TASP1: variants seen among roughly 807,000 people sequenced by gnomAD.
TASP1 encodes threonine aspartase 1.
A neutral mutation model predicts 56.6 loss-of-function variants in TASP1; 16 were observed. The observed-to-expected ratio is 0.28, with a 90% confidence interval of 0.19 to 0.43. The LOEUF is 0.43. Among genes scored for constraint, TASP1 ranks in the 20% least tolerant of loss-of-function variants. The pLI is 1.00. For missense variants in TASP1, 393 were observed against 511.6 expected (o/e 0.77, Z 2.24); for synonymous variants, 179 against 184.2 (o/e 0.97, Z 0.23).
intron 11 of TASP1, among the ~76,000 whole-genome samples, chr20:13,453,352 G>C (rs2043698909): frequency 6.6e-6 from 1 of 152,124 alleles, no homozygotes; most frequent in Non-Finnish European, 1.5e-5. Context: ...ACGTTCAAGA[G>C]AGTGGTATTG....
chr20:13,311,095 G>T, the TASP1 span, among the ~76,000 whole-genome samples: 1 of 152,142 alleles, frequency 6.6e-6, no homozygotes, highest in Admixed American at 6.5e-5. Flanking sequence ...TCTGGAGGCT[G>T]AGGTGGGAGA....
At chr20:13,111,487 G>A in the TASP1 span, among the ~76,000 whole-genome samples, 1 of 152,192 alleles carries the variant, frequency 6.6e-6, no homozygotes, top group Non-Finnish European at 1.5e-5. Flanking sequence ...ACAACACAGA[G>A]TTATCTAGCT....
the TASP1 span, among the ~76,000 whole-genome samples, chr20:13,115,406 A>ATCATGGG: frequency 6.6e-6 from 1 of 152,180 alleles, no homozygotes; most frequent in Admixed American, 6.5e-5. Flanking sequence ...TCCTAACATC[A>ATCATGGG]GCTAGACCAG....
At chr20:13,117,386 C>A in the TASP1 span, 2 of 972,192 alleles carry the variant, frequency 2.1e-6, no homozygotes, top group South Asian at 2.5e-5. Flanking sequence ...TAAAACATGC[C>A]TTCAGAACAA....
chr20:13,636,543 T>G (rs1053508133), intron 1 of TASP1, among the ~76,000 whole-genome samples: 1 of 152,144 alleles, frequency 6.6e-6, no homozygotes, highest in African/African-American at 2.4e-5. Flanking sequence ...ATTCATCTTC[T>G]AACCAGTAAT....
chr20:13,527,679 A>G, intron 10 of TASP1, among the ~76,000 whole-genome samples: 1 of 152,182 alleles, frequency 6.6e-6, no homozygotes, highest in Non-Finnish European at 1.5e-5. Flanking sequence ...TACAATATAC[A>G]TATAAAAAGA....
At chr20:13,336,917 C>G in the TASP1 span, among the ~76,000 whole-genome samples, 12 of 152,200 alleles carry the variant, frequency 7.9e-5, no homozygotes, top group Non-Finnish European at 7.3e-5. Flanking sequence ...CTGAGCCACA[C>G]TCTGTCTACT....
the TASP1 span, among the ~76,000 whole-genome samples, chr20:13,174,694 G>T: frequency 6.6e-5 from 9 of 136,154 alleles, 1 homozygote. Context: ...GTGAAACCTT[G>T]TCACGAAAAA....
chr20:13,348,899 G>A, the TASP1 span, among the ~76,000 whole-genome samples: 1 of 152,120 alleles, frequency 6.6e-6, no homozygotes, highest in Admixed American at 6.5e-5. Flanking sequence ...TATCATAGAA[G>A]AGCCAGCAAC....
At chr20:13,542,534 C>A (rs868655133) in intron 8 of TASP1, among the ~76,000 whole-genome samples, 2 of 152,102 alleles carry the variant, frequency 1.3e-5, no homozygotes, top group South Asian at 4.1e-4. Context: ...ACTGACAGAT[C>A]TCTGTACCCA....
the TASP1 span, among the ~76,000 whole-genome samples, chr20:13,324,856 C>T: frequency 6.6e-6 from 1 of 152,162 alleles, no homozygotes; most frequent in South Asian, 2.1e-4. Flanking sequence ...TTCTTATTTT[C>T]TGGATGAGAA....
chr20:13,437,108 A>C (rs973362544), intron 11 of TASP1, among the ~76,000 whole-genome samples: 1 of 152,178 alleles, frequency 6.6e-6, no homozygotes, highest in African/African-American at 2.4e-5. Context: ...AAAAATCCTC[A>C]ATAAAATACT....
the TASP1 span, among the ~76,000 whole-genome samples, chr20:13,362,599 C>T: frequency 4.6e-5 from 7 of 151,606 alleles, no homozygotes; most frequent in South Asian, 2.1e-4. Context: ...ACTCTCTTTT[C>T]GGACTCAGCC....
intron 4 of TASP1, among the ~76,000 whole-genome samples, chr20:13,588,317 A>AAAGGAAGGAAGGAAGGAAGG (rs147823593): frequency 1.8e-5 from 2 of 113,718 alleles, no homozygotes; most frequent in African/African-American, 5.9e-5. Flanking sequence ...AAGAGAAAGA[A>AAAGGAAGGAAGGAAGGAAGG]AAGGAAGGAA....
chr20:13,347,929 G>A, the TASP1 span, among the ~76,000 whole-genome samples: 4 of 152,088 alleles, frequency 2.6e-5, no homozygotes, highest in African/African-American at 7.2e-5. Context: ...GAAAAGAAAT[G>A]AGTGGTAGAA....
At chr20:13,218,899 A>G in the TASP1 span, among the ~76,000 whole-genome samples, 1 of 152,270 alleles carries the variant, frequency 6.6e-6, no homozygotes, top group African/African-American at 2.4e-5. Context: ...TCAACATTTT[A>G]TAAAGACATC....
At chr20:13,166,290 G>A in the TASP1 span, 1 of 152,632 alleles carries the variant, frequency 6.6e-6, no homozygotes, top group East Asian at 1.9e-4. Context: ...CGCAGCGCCT[G>A]CGATGGATGG....
intron 7 of TASP1, among the ~76,000 whole-genome samples, chr20:13,564,285 A>C (rs2046441150): frequency 6.7e-6 from 1 of 149,348 alleles, no homozygotes; most frequent in South Asian, 2.1e-4. Context: ...CATTTCTATA[A>C]ATTAACAATG....
the TASP1 span, among the ~76,000 whole-genome samples, chr20:13,158,072 A>C: frequency 6.6e-6 from 1 of 152,232 alleles, no homozygotes; most frequent in South Asian, 2.1e-4. Context: ...ACAATCAAGA[A>C]TATATTGTAT....
Sources: allele counts gnomAD v4.1 joint callset (sites outside exome capture counted in the v4.1 genomes callset), GRCh38; gene constraint gnomAD v4.1.1; transcripts MANE v1.5; gene names NCBI Gene and HGNC (gene_info 2026-07-23, HGNC 2026-07-21).